RIMS2: variants seen among roughly 807,000 people sequenced by gnomAD.
RIMS2 encodes the protein regulating synaptic membrane exocytosis 2.
RIMS2 carries 59 observed loss-of-function variants against 174.4 expected under a neutral mutation model. The observed-to-expected ratio is 0.34, with a 90% CI of 0.27 to 0.42. The LOEUF is 0.42. RIMS2 is among the 10% of genes least tolerant of loss of function. RIMS2 has a pLI of 1.00. For missense variants in RIMS2, 1,620 were observed against 1,666.3 expected, an observed-to-expected ratio of 0.97 and a Z score of 0.48; for synonymous variants, 606 against 572.5, an observed-to-expected ratio of 1.06 and a Z score of -0.84.
chr8:104,167,921 G>T (rs572566248), intron 19 of RIMS2, among the ~76,000 whole-genome samples: 2 of 152,166 alleles, frequency 1.3e-5, no homozygotes, highest in African/African-American at 4.8e-5. Context: ...ATTGAATAGG[G>T]TGTTCTTTTC....
At chr8:103,500,725 C>T (rs944089782), upstream of RIMS2, 3 of 537,680 alleles carry the variant, frequency 5.6e-6, no homozygotes, top group Non-Finnish European at 9.8e-6. Flanking sequence ...CTCCCCTCCC[C>T]CTGCTTTTCT....
At chr8:103,769,377 G>A (rs1020342890) in intron 3 of RIMS2, among the ~76,000 whole-genome samples, 1 of 152,160 alleles carries the variant, frequency 6.6e-6, no homozygotes, top group African/African-American at 2.4e-5. Context: ...AGACTGGAGT[G>A]CAGTGCCATG....
intron 2 of RIMS2, among the ~76,000 whole-genome samples, chr8:103,716,756 T>A (rs1027509470): frequency 3.3e-5 from 5 of 152,186 alleles, no homozygotes; most frequent in Non-Finnish European, 7.4e-5. Flanking sequence ...ATGAATTTTC[T>A]GAAGTATATA....
chr8:103,909,972 G>T (rs1446393115), intron 4 of RIMS2, among the ~76,000 whole-genome samples: 1 of 147,764 alleles, frequency 6.8e-6, no homozygotes. Context: ...CTTTCTTTTG[G>T]CATATATATA....
At chr8:103,765,066 G>A (rs2098154437) in intron 2 of RIMS2, among the ~76,000 whole-genome samples, 1 of 152,156 alleles carries the variant, frequency 6.6e-6, no homozygotes, top group Admixed American at 6.6e-5. Context: ...AAAATGCCAT[G>A]TTGAAACTTT....
At chr8:104,099,150 C>A (rs1200130314) in intron 19 of RIMS2, among the ~76,000 whole-genome samples, 2 of 152,170 alleles carry the variant, frequency 1.3e-5, no homozygotes, top group Non-Finnish European at 2.9e-5. Context: ...CTGTGACTGA[C>A]CACTGGTACA....
chr8:104,203,693 GA>G (rs1328334214), intron 19 of RIMS2, among the ~76,000 whole-genome samples: 1 of 151,718 alleles, frequency 6.6e-6, no homozygotes, highest in Non-Finnish European at 1.5e-5. Context: ...TAGTATAGAT[GA>G]GTTTTCACCA....
At chr8:103,719,860 C>T (rs2097424250) in intron 2 of RIMS2, among the ~76,000 whole-genome samples, 1 of 152,046 alleles carries the variant, frequency 6.6e-6, no homozygotes, top group Non-Finnish European at 1.5e-5. Flanking sequence ...CAAAATTAAG[C>T]CCATTTCACT....
At chr8:103,878,358 G>A (rs1179254979) in intron 3 of RIMS2, among the ~76,000 whole-genome samples, 1 of 151,786 alleles carries the variant, frequency 6.6e-6, no homozygotes, top group Admixed American at 6.6e-5. Flanking sequence ...TATTTTATGT[G>A]TGGTGAATCA....
intron 2 of RIMS2, among the ~76,000 whole-genome samples, chr8:103,712,045 G>A (rs2097311216): frequency 6.6e-6 from 1 of 151,636 alleles, no homozygotes; most frequent in African/African-American, 2.4e-5. Flanking sequence ...AGGTTAGAGT[G>A]CAGAGGCACA....
chr8:103,755,777 G>T (rs980721748), intron 2 of RIMS2, among the ~76,000 whole-genome samples: 1 of 152,054 alleles, frequency 6.6e-6, no homozygotes, highest in Non-Finnish European at 1.5e-5. Context: ...AGCTCTATCA[G>T]TTCATTTATG....
At chr8:103,644,388 C>T (rs1464102780) in intron 1 of RIMS2, among the ~76,000 whole-genome samples, 1 of 151,346 alleles carries the variant, frequency 6.6e-6, no homozygotes, top group African/African-American at 2.4e-5. Flanking sequence ...CTTTTTTTCT[C>T]ATTTTGAGGA....
chr8:103,643,099 C>T (rs2096262495), intron 1 of RIMS2, among the ~76,000 whole-genome samples: 1 of 151,670 alleles, frequency 6.6e-6, no homozygotes, highest in Non-Finnish European at 1.5e-5. Context: ...ATCTTTTTCA[C>T]TCTTTTGTGT....
intron 1 of RIMS2, among the ~76,000 whole-genome samples, chr8:103,618,889 A>G (rs2095566479): frequency 6.6e-6 from 1 of 152,172 alleles, no homozygotes. Flanking sequence ...AAGCTTGAGA[A>G]TTCAATTCAG....
intron 19 of RIMS2, among the ~76,000 whole-genome samples, chr8:104,035,705 T>C (rs1280048832): frequency 2.6e-5 from 4 of 152,254 alleles, no homozygotes; most frequent in African/African-American, 9.6e-5. Flanking sequence ...AAATTTATTT[T>C]AGTCTAAAGC....
chr8:103,980,606 G>C (rs988167543), intron 16 of RIMS2, among the ~76,000 whole-genome samples: 2 of 152,146 alleles, frequency 1.3e-5, no homozygotes, highest in African/African-American at 4.8e-5. Flanking sequence ...CAGTGGGTTA[G>C]AGCAAAAAGC....
At chr8:103,853,101 A>G (rs562527361) in intron 3 of RIMS2, among the ~76,000 whole-genome samples, 15 of 151,962 alleles carry the variant, frequency 9.9e-5, no homozygotes, top group African/African-American at 3.6e-4. Flanking sequence ...TTTACTTTTT[A>G]ATAATAACCA....
At chr8:103,952,783 G>T (rs180798556) in intron 14 of RIMS2, among the ~76,000 whole-genome samples, 10 of 152,110 alleles carry the variant, frequency 6.6e-5, no homozygotes, top group Non-Finnish European at 1.3e-4. Flanking sequence ...GACAGAAGTC[G>T]ACTTCAGAAA....
chr8:104,006,622 C>T (rs1452339922), intron 17 of RIMS2, among the ~76,000 whole-genome samples: 1 of 126,788 alleles, frequency 7.9e-6, no homozygotes, highest in East Asian at 2.2e-4. Flanking sequence ...TGAGAGTGAT[C>T]TATTTCTCTC....
Sources: allele counts gnomAD v4.1 joint callset (sites outside exome capture counted in the v4.1 genomes callset), GRCh38; gene constraint gnomAD v4.1.1; transcripts MANE v1.5; gene names NCBI Gene and HGNC (gene_info 2026-07-23, HGNC 2026-07-21).